Variants in ZNF385D observed in about 807,000 individuals in gnomAD.
ZNF385D encodes the protein zinc finger protein 385D.
ZNF385D carries 15 observed loss-of-function variants against 35.8 expected under a neutral mutation model. The ratio of observed to expected loss-of-function variants is 0.42; its 90% CI spans 0.28 to 0.64. The LOEUF (loss-of-function observed/expected upper bound fraction) is 0.64, where lower values mean the gene tolerates loss of function less well. Ranked by LOEUF, ZNF385D falls within the 30% of genes least tolerant of loss-of-function variation. The probability of loss-of-function intolerance (pLI) is 0.23; values close to 1 mark genes in which losing one functional copy is unlikely to be tolerated. For missense variants in ZNF385D, 474 were observed against 494.6 expected, an observed-to-expected ratio of 0.96 and a Z score of 0.39; for synonymous variants, 212 against 186.8, an observed-to-expected ratio of 1.13 and a Z score of -1.10.
At chr3:21,796,496 A>G (rs183669239) in intron 3 of ZNF385D, among the ~76,000 whole-genome samples, 382 of 152,346 alleles carry the variant, frequency 2.5e-3, no homozygotes, top group African/African-American at 8.8e-3. Context: ...GAATTATTTA[A>G]TGTAATTCAT....
At chr3:21,454,036 G>C (rs1404926298) in intron 4 of ZNF385D, among the ~76,000 whole-genome samples, 2 of 151,928 alleles carry the variant, frequency 1.3e-5, no homozygotes. Context: ...TACAATACTG[G>C]TACCTGTTAC....
intron 4 of ZNF385D, among the ~76,000 whole-genome samples, chr3:21,476,128 C>T (rs1448688144): frequency 6.6e-6 from 1 of 152,122 alleles, no homozygotes; most frequent in African/African-American, 2.4e-5. Context: ...ACAATTGAAA[C>T]TTGTTTAGGC....
At chr3:21,520,055 G>A (rs1707812927) in intron 3 of ZNF385D, among the ~76,000 whole-genome samples, 1 of 152,288 alleles carries the variant, frequency 6.6e-6, no homozygotes, top group South Asian at 2.1e-4. Context: ...TCTCTAGCAC[G>A]TGTAGTGTAG....
chr3:21,993,041 C>T (rs1276959780), intron 3 of ZNF385D, among the ~76,000 whole-genome samples: 1 of 152,146 alleles, frequency 6.6e-6, no homozygotes, highest in East Asian at 1.9e-4. Flanking sequence ...TGCATCCTTG[C>T]CAATCCTGAA....
chr3:22,049,683 G>C (rs1576229228), intron 3 of ZNF385D, among the ~76,000 whole-genome samples: 1 of 152,096 alleles, frequency 6.6e-6, no homozygotes, highest in South Asian at 2.1e-4. Flanking sequence ...TGTCGAAATA[G>C]ATTCTTTCTA....
intron 3 of ZNF385D, among the ~76,000 whole-genome samples, chr3:21,963,060 G>A (rs1702686474): frequency 6.6e-6 from 1 of 152,128 alleles, no homozygotes; most frequent in African/African-American, 2.4e-5. Flanking sequence ...TTATTCAATA[G>A]TTTTATCCTG....
At chr3:22,362,705 A>G (rs1696470274) in intron 2 of ZNF385D, among the ~76,000 whole-genome samples, 1 of 152,122 alleles carries the variant, frequency 6.6e-6, no homozygotes, top group African/African-American at 2.4e-5. Context: ...AGTACTGCAT[A>G]GATCATATTT....
At chr3:22,223,595 T>C (rs1042434573) in intron 2 of ZNF385D, among the ~76,000 whole-genome samples, 1 of 152,276 alleles carries the variant, frequency 6.6e-6, no homozygotes, top group Non-Finnish European at 1.5e-5. Context: ...ACATAATGTA[T>C]TTAACAATAA....
At chr3:21,853,542 T>C (rs1399770700) in intron 3 of ZNF385D, among the ~76,000 whole-genome samples, 1 of 150,614 alleles carries the variant, frequency 6.6e-6, no homozygotes, top group East Asian at 2.0e-4. Flanking sequence ...AATGTCACTT[T>C]ATCATATCAT....
intron 1 of ZNF385D, among the ~76,000 whole-genome samples, chr3:21,721,327 T>C (rs962249269): frequency 5.3e-5 from 8 of 151,834 alleles, no homozygotes; most frequent in African/African-American, 1.2e-4. Flanking sequence ...GGACATTTCA[T>C]TTGATATGAA....
At chr3:22,301,596 G>A (rs1702905139) in intron 2 of ZNF385D, among the ~76,000 whole-genome samples, 1 of 151,956 alleles carries the variant, frequency 6.6e-6, no homozygotes, top group South Asian at 2.1e-4. Flanking sequence ...ATGTTAGGAG[G>A]TAAAAACGTT....
chr3:21,874,988 C>T (rs945258851), intron 3 of ZNF385D, among the ~76,000 whole-genome samples: 2 of 151,546 alleles, frequency 1.3e-5, no homozygotes, highest in Non-Finnish European at 2.9e-5. Context: ...ATTTTGATGC[C>T]TTTTTTTATT....
At chr3:21,474,595 C>G (rs983554475) in intron 4 of ZNF385D, among the ~76,000 whole-genome samples, 2 of 152,090 alleles carry the variant, frequency 1.3e-5, no homozygotes, top group East Asian at 3.9e-4. Context: ...ATAGTACAAA[C>G]TGCCATATCT....
intron 2 of ZNF385D, among the ~76,000 whole-genome samples, chr3:22,200,992 G>A (rs1696754079): frequency 6.6e-6 from 1 of 152,006 alleles, no homozygotes; most frequent in Non-Finnish European, 1.5e-5. Context: ...TGTACAATTT[G>A]TACAGTTAAT....
At chr3:22,272,414 G>A (rs990517932) in intron 2 of ZNF385D, among the ~76,000 whole-genome samples, 1 of 151,626 alleles carries the variant, frequency 6.6e-6, no homozygotes, top group African/African-American at 2.4e-5. Context: ...CACCATCTAG[G>A]ACATTACCCA....
intron 2 of ZNF385D, among the ~76,000 whole-genome samples, chr3:21,581,524 G>A (rs1317301464): frequency 2.0e-5 from 3 of 152,088 alleles, no homozygotes; most frequent in African/African-American, 4.8e-5. Context: ...TGACAGAGAG[G>A]GCTCAATAAA....
intron 3 of ZNF385D, among the ~76,000 whole-genome samples, chr3:21,779,774 A>G (rs1575636086): frequency 6.6e-6 from 1 of 151,950 alleles, no homozygotes; most frequent in East Asian, 1.9e-4. Flanking sequence ...AAGTTCCCAG[A>G]TATCTAGACA....
At chr3:21,528,751 A>G (rs1463056876) in intron 3 of ZNF385D, among the ~76,000 whole-genome samples, 1 of 152,188 alleles carries the variant, frequency 6.6e-6, no homozygotes, top group South Asian at 2.1e-4. Flanking sequence ...CATGAAACTA[A>G]CAAATACATC....
chr3:21,733,138 T>G (rs539157145), intron 1 of ZNF385D, among the ~76,000 whole-genome samples: 1 of 152,346 alleles, frequency 6.6e-6, no homozygotes, highest in South Asian at 2.1e-4. Context: ...CACCATTTTT[T>G]GAAAAGACTT....
Sources: gnomAD v4.1 joint callset for allele counts (sites outside exome capture counted in the v4.1 genomes callset) on GRCh38, gnomAD v4.1.1 for gene constraint, MANE v1.5 for transcripts, NCBI Gene and HGNC (gene_info 2026-07-23, HGNC 2026-07-21) for gene names.